Variants in RSU1 observed in about 807,000 individuals in gnomAD.
RSU1 encodes the protein rsu-1.
In RSU1, 26 loss-of-function variants were observed where a neutral mutation model predicts 31.1. That is an observed-to-expected ratio of 0.84 (90% CI 0.61 to 1.16). The LOEUF is 1.16. RSU1 is among the 50% of genes most tolerant of loss of function. The probability of loss-of-function intolerance (pLI) is 0.00; values close to 1 mark genes in which losing one functional copy is unlikely to be tolerated. For missense variants in RSU1, 320 were observed against 339.1 expected, an observed-to-expected ratio of 0.94 and a Z score of 0.44; for synonymous variants, 164 against 136.3, an observed-to-expected ratio of 1.20 and a Z score of -1.41.
At chr10:16,624,216 G>C (rs1011206735) in intron 8 of RSU1, among the ~76,000 whole-genome samples, 3 of 140,280 alleles carry the variant, frequency 2.1e-5, no homozygotes, top group African/African-American at 9.0e-5. Context: ...ATGTGTGTGT[G>C]TGTCTGTAAG....
chr10:16,719,938 T>C (rs998345415), intron 7 of RSU1, among the ~76,000 whole-genome samples: 1 of 152,240 alleles, frequency 6.6e-6, no homozygotes, highest in Admixed American at 6.5e-5. Context: ...TTTATGTATA[T>C]AATCTCAGCC....
At chr10:16,623,433 C>T (rs1053208665) in intron 8 of RSU1, among the ~76,000 whole-genome samples, 6 of 152,162 alleles carry the variant, frequency 3.9e-5, no homozygotes, top group Admixed American at 6.5e-5. Context: ...AATCCAGCAC[C>T]GATGGGCACC....
intron 8 of RSU1, among the ~76,000 whole-genome samples, chr10:16,660,967 T>A (rs1834878572): frequency 6.6e-6 from 1 of 152,130 alleles, no homozygotes; most frequent in Non-Finnish European, 1.5e-5. Flanking sequence ...TCTCTTCATT[T>A]ATGTGTAATA....
intron 2 of RSU1, among the ~76,000 whole-genome samples, chr10:16,812,575 C>T (rs1838431381): frequency 6.6e-6 from 1 of 152,166 alleles, no homozygotes; most frequent in South Asian, 2.1e-4. Flanking sequence ...CCAGGTTTAA[C>T]AAGACTTTTG....
At chr10:16,734,070 G>A (rs142582436) in intron 7 of RSU1, among the ~76,000 whole-genome samples, 7 of 152,178 alleles carry the variant, frequency 4.6e-5, no homozygotes, top group African/African-American at 7.2e-5. Context: ...CTAAACTGTC[G>A]GAACACACAA....
chr10:16,629,081 T>C (rs1187336667), intron 8 of RSU1, among the ~76,000 whole-genome samples: 2 of 152,168 alleles, frequency 1.3e-5, no homozygotes, highest in Non-Finnish European at 1.5e-5. Flanking sequence ...TGTGTTCCTG[T>C]GTCTATCAGC....
intron 7 of RSU1, among the ~76,000 whole-genome samples, chr10:16,724,602 C>G (rs1297202697): frequency 6.6e-6 from 1 of 152,138 alleles, no homozygotes; most frequent in Non-Finnish European, 1.5e-5. Flanking sequence ...GCTAACAGCA[C>G]GTGGCAGAAG....
intron 2 of RSU1, among the ~76,000 whole-genome samples, chr10:16,813,392 A>G (rs1838451230): frequency 6.6e-6 from 1 of 152,188 alleles, no homozygotes; most frequent in African/African-American, 2.4e-5. Flanking sequence ...TCGAGTTAAC[A>G]AAGTAAAGTT....
chr10:16,608,416 T>C (rs1833839880), intron 8 of RSU1, among the ~76,000 whole-genome samples: 1 of 119,922 alleles, frequency 8.3e-6, no homozygotes, highest in South Asian at 2.5e-4. Context: ...AATACCCAGC[T>C]ACCTACTACC....
At chr10:16,718,386 A>G (rs1252734665) in intron 7 of RSU1, among the ~76,000 whole-genome samples, 3 of 152,222 alleles carry the variant, frequency 2.0e-5, no homozygotes, top group Non-Finnish European at 4.4e-5. Context: ...TAAATAAACT[A>G]TATGTGACAT....
At chr10:16,806,117 T>C (rs1486176852) in intron 2 of RSU1, among the ~76,000 whole-genome samples, 1 of 152,250 alleles carries the variant, frequency 6.6e-6, no homozygotes, top group African/African-American at 2.4e-5. Flanking sequence ...TAGATTTTTT[T>C]AAAACTATGT....
At chr10:16,673,142 T>G (rs1835146262) in intron 8 of RSU1, among the ~76,000 whole-genome samples, 1 of 152,204 alleles carries the variant, frequency 6.6e-6, no homozygotes, top group Non-Finnish European at 1.5e-5. Flanking sequence ...AGAAGTCCTT[T>G]GACCCCATTG....
intron 7 of RSU1, among the ~76,000 whole-genome samples, chr10:16,705,907 G>C (rs1254728282): frequency 1.3e-5 from 2 of 152,182 alleles, no homozygotes; most frequent in Non-Finnish European, 2.9e-5. Flanking sequence ...CTCCTGAGTA[G>C]CTGGGATTAT....
At chr10:16,738,236 G>C (rs946251488) in intron 7 of RSU1, among the ~76,000 whole-genome samples, 2 of 152,074 alleles carry the variant, frequency 1.3e-5, no homozygotes, top group Admixed American at 6.5e-5. Context: ...CATGATGTCA[G>C]CAGATCGAGA....
intron 8 of RSU1, among the ~76,000 whole-genome samples, chr10:16,690,171 A>C (rs1052077802): frequency 1.3e-5 from 2 of 152,226 alleles, no homozygotes; most frequent in African/African-American, 4.8e-5. Context: ...CTGGAAACTT[A>C]AGTGATGAGT....
intron 8 of RSU1, among the ~76,000 whole-genome samples, chr10:16,669,373 T>G (rs7092141): frequency 6.6e-6 from 1 of 150,678 alleles, no homozygotes; most frequent in Admixed American, 6.6e-5. Flanking sequence ...CTGTTTTTTT[T>G]CCCCCCCCAA....
chr10:16,616,643 C>T (rs1564287248), intron 8 of RSU1, among the ~76,000 whole-genome samples: 2 of 152,164 alleles, frequency 1.3e-5, no homozygotes, highest in Non-Finnish European at 2.9e-5. Flanking sequence ...CTGAATCCAG[C>T]AGCACATCAA....
At chr10:16,696,079 A>T (rs1236183471) in intron 7 of RSU1, among the ~76,000 whole-genome samples, 3 of 152,222 alleles carry the variant, frequency 2.0e-5, no homozygotes, top group Admixed American at 2.0e-4. Context: ...CTATGAAAGC[A>T]AGAAGCAGAG....
rs551517115 is a variant in RSU1 at position 16,679,783 on chromosome 10, C to T, written c.731+15240G>A. ...TGGCCCACCATCACCATCCTTCTGCCCTAGAGGATACTGTGATGCAGGAAC... is the reference window on the plus strand; with the variant it reads ...TGGCCCACCATCACCATCCTTCTGCTCTAGAGGATACTGTGATGCAGGAAC... On this transcript the variant is annotated intron_variant, in intron 8 of 8. Coordinates refer to ENST00000345264, the MANE Select transcript of RSU1 (RefSeq NM_012425.4). Among the ~76,000 whole-genome samples the T allele has an allele frequency of 2.1e-3, 312 of 152,066 alleles. 2 individuals are homozygous for T. The highest frequency in any genetic ancestry group is 7.1e-3 in the African/African-American group (294 of 41,480).
Sources: gnomAD v4.1 joint callset for allele counts (sites outside exome capture counted in the v4.1 genomes callset) on GRCh38, gnomAD v4.1.1 for gene constraint, MANE v1.5 for transcripts, NCBI Gene and HGNC (gene_info 2026-07-23, HGNC 2026-07-21) for gene names.